The following STX11 variants were observed in gnomAD, a reference collection of about 807,000 sequenced individuals.
The protein encoded by STX11 is syntaxin-11.
A neutral mutation model predicts 19.9 loss-of-function variants in STX11; 21 were observed. That is an observed-to-expected ratio of 1.06 (90% confidence interval 0.75 to 1.52). The LOEUF (loss-of-function observed/expected upper bound fraction) is 1.52, where lower values mean the gene tolerates loss of function less well. STX11 is among the 40% of genes most tolerant of loss of function. The pLI, the probability that STX11 is intolerant of heterozygous loss-of-function variation, is 0.00. For synonymous variants in STX11, 193 were observed against 174.4 expected, an observed-to-expected ratio of 1.11 and a Z score of -0.84; for missense variants, 438 against 405.9, an observed-to-expected ratio of 1.08 and a Z score of -0.68.
intron 1 of STX11, among the ~76,000 whole-genome samples, chr6:144,179,031 T>C (rs1801840510): frequency 6.6e-6 from 1 of 152,180 alleles, no homozygotes; most frequent in African/African-American, 2.4e-5. Flanking sequence ...TTAATGGACT[T>C]ACAGTTCCAC....
In STX11 at chr6:144,169,979, G is replaced by A. The variant is rs958701552; in HGVS notation, c.-5-16644G>A. Among the ~76,000 whole-genome samples, 5 of 152,092 alleles carry A rather than the reference G, an allele frequency of 3.3e-5. No individual in the cohort carries two copies. Among genetic ancestry groups the A allele is most frequent in the Non-Finnish European group, 7.4e-5 (5 of 68,004 alleles). Reference sequence around the variant, plus strand: ...AGGTGTGAGCCACCATGCATGGAGTGTTTACTATTTTTTAACTTAACTTCT... The same window carrying A: ...AGGTGTGAGCCACCATGCATGGAGTATTTACTATTTTTTAACTTAACTTCT... On this transcript the variant is annotated intron_variant, in intron 1 of 1. Transcript: ENST00000367568. This position sits in a 1 kb window ranked among gnomAD's most constrained non-coding sequence, Gnocchi z 5.2.
upstream of STX11, among the ~76,000 whole-genome samples, chr6:144,147,099 T>C (rs1003289760): frequency 6.6e-6 from 1 of 151,948 alleles, no homozygotes; most frequent in Non-Finnish European, 1.5e-5. This position sits in a 1 kb window ranked among gnomAD's most constrained non-coding sequence, Gnocchi z 4.2. Context: ...TTCTCCCCCA[T>C]ATCATCCCTC....
Position 144,175,503 on chromosome 6 carries a change from C to T in STX11, c.-5-11120C>T, listed in dbSNP as rs959133343. 5.3e-5 allele frequency among the ~76,000 whole-genome samples: 8 copies of T among 152,066 alleles called. No individual in the cohort carries two copies. The highest frequency in any genetic ancestry group is 1.9e-4 in the African/African-American group (8 of 41,386). ...TGTATTTTCAGTAGAGATGGGGTTT[C>T]ACCATGTTGACCAGGCTGGTCTTGA... is the stretch of plus-strand genomic sequence containing the variant. On this transcript the variant is annotated intron_variant, in intron 1 of 1. Coordinates refer to ENST00000367568, the MANE Select transcript of STX11 (RefSeq NM_003764.4). The surrounding 1 kb of genome is among the most constrained non-coding windows in gnomAD (Gnocchi z 5.1).
chr6:144,174,740 T>G lies in STX11; in HGVS notation c.-5-11883T>G, dbSNP rs1801735108. Among the ~76,000 whole-genome samples the G allele has an allele frequency of 6.6e-6, 1 of 151,924 alleles. No homozygotes were observed. Among genetic ancestry groups the G allele is most frequent in the Non-Finnish European group, 1.5e-5 (1 of 67,986 alleles). ...GGAAAGAATGGGGCCACCTAGGAGGTCAGATCAAGAATGTGGGATGAGAAC... is the reference window on the plus strand; with the variant it reads ...GGAAAGAATGGGGCCACCTAGGAGGGCAGATCAAGAATGTGGGATGAGAAC... On this transcript the variant is annotated intron_variant, in intron 1 of 1. Transcript: ENST00000367568. This position sits in a 1 kb window ranked among gnomAD's most constrained non-coding sequence, Gnocchi z 5.3.
Position 144,190,524 on chromosome 6 carries a change from TTAATAAA to T in STX11, c.*3041_*3047del, listed in dbSNP as rs1802188017. Among the ~76,000 whole-genome samples, 1 of 151,868 alleles carries T rather than the reference TTAATAAA, an allele frequency of 6.6e-6. No homozygotes were observed. Among genetic ancestry groups the T allele is most frequent in the African/African-American group, 2.4e-5 (1 of 41,384 alleles). Reference sequence around the variant, plus strand: ...TAAAGCCTATTTTTTGTTAACAGTCTTAATAAATAATAAAATGGAATAAAGAAACCAA... The same window carrying T: ...TAAAGCCTATTTTTTGTTAACAGTCTTAATAAAATGGAATAAAGAAACCAA... On this transcript the variant is annotated 3_prime_UTR_variant, in exon 2 of 2. Transcript: ENST00000367568.
chr6:144,148,041 C>T (rs1169121674), upstream of STX11, among the ~76,000 whole-genome samples: 4 of 152,150 alleles, frequency 2.6e-5, no homozygotes, highest in South Asian at 2.1e-4. Flanking sequence ...AACTCGTTGG[C>T]CTGTTTTAAT....
rs931327568 is a variant in STX11, at chr6:144,151,517, C to T, written c.-6+814C>T. ...AGACTCTAGATGTGAAATGCCTGCC[C>T]TGCCAACCTGGGGCAGTGGTATGGG... On this transcript the variant is annotated intron_variant, in intron 1 of 1. Transcript: ENST00000367568. This position sits in a 1 kb window ranked among gnomAD's most constrained non-coding sequence, Gnocchi z 4.6. 1.2e-6 allele frequency: 1 copy of T among 805,504 alleles called. No individual in the cohort carries two copies. Among genetic ancestry groups the T allele is most frequent in the Admixed American group, 6.2e-5 (1 of 16,042 alleles). The allele number at this position is 805,504 out of a possible 1,614,324, so 49.9% of individuals were successfully genotyped here.
rs1339539883 is a variant in STX11, at chr6:144,190,259, C to A, written c.*2768C>A. On this transcript the variant is annotated 3_prime_UTR_variant, in exon 2 of 2. Transcript: ENST00000367568. ...CTTGACTCTGCCACATACTAGCTGT[C>A]TGACTGAACCTTGGTTTTTCTGTGC... 6.6e-6 allele frequency among the ~76,000 whole-genome samples: 1 copy of A among 152,194 alleles called. No homozygotes were observed. Among genetic ancestry groups the A allele is most frequent in the Non-Finnish European group, 1.5e-5 (1 of 68,032 alleles).
In STX11 at chr6:144,189,874, CA is replaced by C. The variant is rs1802170789; in HGVS notation, c.*2384del. On this transcript the variant is annotated 3_prime_UTR_variant, in exon 2 of 2. Coordinates refer to ENST00000367568, the MANE Select transcript of STX11 (RefSeq NM_003764.4). ...TCTAAGGGAAAGGGGAAAAAATGTTCACATAGCTCCACTGCAATGTTTTTTA... is the reference window on the plus strand; with the variant it reads ...TCTAAGGGAAAGGGGAAAAAATGTTCCATAGCTCCACTGCAATGTTTTTTA... Among the ~76,000 whole-genome samples the C allele has an allele frequency of 6.6e-6, 1 of 152,132 alleles. No homozygotes were observed. Among genetic ancestry groups the C allele is most frequent in the South Asian group, 2.1e-4 (1 of 4,814 alleles).
At position 144,187,243 on chromosome 6, in the gene STX11, G is replaced by C; in HGVS notation, c.616G>C (p.Glu206Gln). The change falls in exon 2 of 2, where the codon GAG becomes CAG. Residue 206 changes from glutamate to glutamine, a missense_variant. Coordinates refer to ENST00000367568, the MANE Select transcript of STX11 (RefSeq NM_003764.4). This position sits in a 1 kb window ranked among gnomAD's most constrained non-coding sequence, Gnocchi z 5.6. ...DVKGARAALN[E>Q]IESRHRELLR... is the part of the protein sequence containing the mutation. ...GAAGGGCGCGCGGGCCGCCCTCAACGAGATCGAGAGCCGCCACCGCGAACT... is the reference window on the plus strand; with the variant it reads ...GAAGGGCGCGCGGGCCGCCCTCAACCAGATCGAGAGCCGCCACCGCGAACT... 4 of 1,613,778 alleles carry C rather than the reference G, an allele frequency of 2.5e-6. No individual in the cohort carries two copies. The highest frequency in any genetic ancestry group is 2.2e-5 in the East Asian group (1 of 44,860).
the STX11 span, among the ~76,000 whole-genome samples, chr6:144,141,868 G>T: frequency 6.6e-6 from 1 of 152,096 alleles, no homozygotes; most frequent in African/African-American, 2.4e-5. Flanking sequence ...TTTTTGTAGA[G>T]ATGGGGTTTT....
chr6:144,186,889 T>C lies in STX11; in HGVS notation c.262T>C (p.Ser88Pro). Residue 88 changes from serine to proline, a missense_variant, in exon 2 of 2, where the codon TCC becomes CCC. Physicochemically the swap from Ser to Pro is moderately conservative, Grantham distance 74. Coordinates refer to ENST00000367568, the MANE Select transcript of STX11 (RefSeq NM_003764.4). ...CAGCAGCATCAAGCGCGACACCAAC[T>C]CCATCGCCAAGGCCATCAAGGCCCG... is the stretch of plus-strand genomic sequence containing the variant. ...RLSSIKRDTN[S>P]IAKAIKARGE... 2 of 1,611,988 alleles carry C rather than the reference T, an allele frequency of 1.2e-6. No individual in the cohort carries two copies. The highest frequency in any genetic ancestry group is 1.7e-6 in the Non-Finnish European group (2 of 1,179,990).
chr6:144,161,464 T>G (rs1035990321), intron 1 of STX11, among the ~76,000 whole-genome samples: 1 of 152,056 alleles, frequency 6.6e-6, no homozygotes, highest in African/African-American at 2.4e-5. Flanking sequence ...GCCTCCCAGG[T>G]TCAAGCAATT....
In STX11 at chr6:144,177,288, CAA is replaced by C. The variant is rs1341827082; in HGVS notation, c.-5-9333_-5-9332del. On this transcript the variant is annotated intron_variant, in intron 1 of 1. Coordinates refer to ENST00000367568, the MANE Select transcript of STX11 (RefSeq NM_003764.4). The surrounding 1 kb of genome is among the most constrained non-coding windows in gnomAD (Gnocchi z 4.4). ...ATAGATCTTTGCTGTATTTTCCAGGCAAAGTTTTGCTTCACATTCTAGGGCCA... is the reference window on the plus strand; with the variant it reads ...ATAGATCTTTGCTGTATTTTCCAGGCAGTTTTGCTTCACATTCTAGGGCCA... Among the ~76,000 whole-genome samples the C allele has an allele frequency of 4.6e-5, 7 of 152,188 alleles. No homozygotes were observed. The highest frequency in any genetic ancestry group is 1.7e-4 in the African/African-American group (7 of 41,452).
Position 144,187,749 on chromosome 6 carries a change from T to C in STX11, c.*258T>C. On this transcript the variant is annotated 3_prime_UTR_variant, in exon 2 of 2. Coordinates refer to ENST00000367568, the MANE Select transcript of STX11 (RefSeq NM_003764.4). The surrounding 1 kb of genome is among the most constrained non-coding windows in gnomAD (Gnocchi z 5.6). ...AATGTCATTATATGACACCTTGCACTCTTACCGTCTTGACAGAAGCCAAGT... is the reference window on the plus strand; with the variant it reads ...AATGTCATTATATGACACCTTGCACCCTTACCGTCTTGACAGAAGCCAAGT... 1.7e-6 allele frequency: 1 copy of C among 587,504 alleles called. No homozygotes were observed. Among genetic ancestry groups the C allele is most frequent in the East Asian group, 3.0e-5 (1 of 33,730 alleles). 36.4% of individuals were successfully genotyped at this position (587,504 alleles called of 1,614,324 possible). A position where few individuals can be genotyped will look rare whatever the true frequency, so the allele number is the denominator to read the frequency against.
rs1489690083 is a variant in STX11 at position 144,184,690 on chromosome 6, T to C, written c.-5-1933T>C. On this transcript the variant is annotated intron_variant, in intron 1 of 1. Coordinates refer to ENST00000367568, the MANE Select transcript of STX11 (RefSeq NM_003764.4). This position sits in a 1 kb window ranked among gnomAD's most constrained non-coding sequence, Gnocchi z 6.5. ...CCTATGCTCACACCAACTCTGATAA[T>C]GGCAGTACCTACTCATAGAATCTGT... 1.3e-5 allele frequency among the ~76,000 whole-genome samples: 2 copies of C among 152,176 alleles called. No individual in the cohort carries two copies. The highest frequency in any genetic ancestry group is 4.8e-5 in the African/African-American group (2 of 41,434).
rs1562655565 is a variant in STX11 at position 144,156,007 on chromosome 6, T to TCTCC, written c.-6+5304_-6+5305insCTCC. On this transcript the variant is annotated intron_variant, in intron 1 of 1. Coordinates refer to ENST00000367568, the MANE Select transcript of STX11 (RefSeq NM_003764.4). ...CTTTCTTTCTTTCTTTCTTTCTTTC[T>TCTCC]TTCTTTCTCTCTTTCTCTCCTTCCT... Among the ~76,000 whole-genome samples, 100 of 119,806 alleles carry TCTCC rather than the reference T, an allele frequency of 8.3e-4. 5 individuals carry two copies. Among genetic ancestry groups the TCTCC allele is most frequent in the African/African-American group, 4.7e-3 (95 of 20,170 alleles). The allele number at this position is 119,806 out of a possible 152,430, so 78.6% of individuals were successfully genotyped here.
Position 144,165,836 on chromosome 6 carries a change from C to G in STX11, c.-6+15133C>G, listed in dbSNP as rs1017990832. 6.6e-6 allele frequency among the ~76,000 whole-genome samples: 1 copy of G among 152,094 alleles called. No individual in the cohort carries two copies. The highest frequency in any genetic ancestry group is 1.5e-5 in the Non-Finnish European group (1 of 68,018). On this transcript the variant is annotated intron_variant, in intron 1 of 1. Transcript: ENST00000367568. The surrounding 1 kb of genome is among the most constrained non-coding windows in gnomAD (Gnocchi z 5.8). ...AAAGTGCTCTCATGTACATAACTTA[C>G]GTAACTTAACAATCAAAAAGTAACC...
rs1046312579 is a variant in STX11, at chr6:144,169,447, C to A, written c.-5-17176C>A. On this transcript the variant is annotated intron_variant, in intron 1 of 1. Coordinates refer to ENST00000367568, the MANE Select transcript of STX11 (RefSeq NM_003764.4). This position sits in a 1 kb window ranked among gnomAD's most constrained non-coding sequence, Gnocchi z 5.2. ...TCTTTTCTAAAATTTCCGTAACCAG[C>A]CTTTTGATTATTTACAGTTTCCTTC... 1.3e-5 allele frequency among the ~76,000 whole-genome samples: 2 copies of A among 152,198 alleles called. No individual in the cohort carries two copies. The highest frequency in any genetic ancestry group is 4.1e-4 in the South Asian group (2 of 4,822).
Sources: allele counts gnomAD v4.1 joint callset (sites outside exome capture counted in the v4.1 genomes callset), GRCh38; gene constraint gnomAD v4.1.1; non-coding constraint Gnocchi (gnomAD v3.1); transcripts MANE v1.5; gene names NCBI Gene and HGNC (gene_info 2026-07-23, HGNC 2026-07-21).